Variants in ZFAND3 observed in about 807,000 individuals in gnomAD.
The protein encoded by ZFAND3 is AN1-type zinc finger protein 3.
ZFAND3 carries 10 observed loss-of-function variants against 29.6 expected under a neutral mutation model. The ratio of observed to expected loss-of-function variants is 0.34; its 90% CI spans 0.21 to 0.57. The LOEUF (loss-of-function observed/expected upper bound fraction) is 0.57, where lower values mean the gene tolerates loss of function less well. Ranked by LOEUF, ZFAND3 falls within the 20% of genes least tolerant of loss-of-function variation. ZFAND3 has a pLI of 0.86. For synonymous variants in ZFAND3, 128 were observed against 112.6 expected, an observed-to-expected ratio of 1.14 and a Z score of -0.87; for missense variants, 230 against 304.5, an observed-to-expected ratio of 0.76 and a Z score of 1.82.
At chr6:37,938,635 T>G (rs934451739) in intron 2 of ZFAND3, among the ~76,000 whole-genome samples, 4 of 152,250 alleles carry the variant, frequency 2.6e-5, no homozygotes, top group Admixed American at 2.6e-4. Flanking sequence ...GGATTAGCAG[T>G]GCTGGACTGT....
chr6:37,941,812 A>G (rs1761815041), intron 2 of ZFAND3, among the ~76,000 whole-genome samples: 1 of 152,170 alleles, frequency 6.6e-6, no homozygotes, highest in Non-Finnish European at 1.5e-5. Flanking sequence ...GTGCATAATA[A>G]TAGTATGGAA....
At chr6:38,023,266 G>A (rs538947444) in intron 2 of ZFAND3, among the ~76,000 whole-genome samples, 11 of 152,266 alleles carry the variant, frequency 7.2e-5, no homozygotes, top group African/African-American at 2.6e-4. Flanking sequence ...TGTGTAATAT[G>A]TATTTTAAGG....
At chr6:38,030,051 G>GAT (rs58560520) in intron 2 of ZFAND3, among the ~76,000 whole-genome samples, 96 of 94,890 alleles carry the variant, frequency 1.0e-3, no homozygotes, top group African/African-American at 1.2e-3. Context: ...AGTTCTGCTG[G>GAT]ATATATATAT....
At chr6:38,019,253 C>T (rs1561968332) in intron 2 of ZFAND3, among the ~76,000 whole-genome samples, 1 of 152,148 alleles carries the variant, frequency 6.6e-6, no homozygotes, top group South Asian at 2.1e-4. Flanking sequence ...GCACCACACC[C>T]GGCCTGATAG....
chr6:38,123,154 C>A (rs1001381576), intron 5 of ZFAND3, among the ~76,000 whole-genome samples: 9 of 152,194 alleles, frequency 5.9e-5, no homozygotes, highest in Admixed American at 2.0e-4. Context: ...AGGGAATGAT[C>A]TAGAGAGAAT....
intron 2 of ZFAND3, among the ~76,000 whole-genome samples, chr6:38,048,035 C>T (rs1157862322): frequency 1.3e-5 from 2 of 149,598 alleles, no homozygotes; most frequent in Non-Finnish European, 3.0e-5. Context: ...GACAGGGTCT[C>T]ACTCTGTTGT....
chr6:37,952,319 G>C (rs1424760440), intron 2 of ZFAND3, among the ~76,000 whole-genome samples: 1 of 152,112 alleles, frequency 6.6e-6, no homozygotes, highest in Non-Finnish European at 1.5e-5. Context: ...TCAGCTGTGA[G>C]TCTTCTGGTT....
At chr6:37,856,615 G>C (rs1412968080) in intron 1 of ZFAND3, among the ~76,000 whole-genome samples, 1 of 152,000 alleles carries the variant, frequency 6.6e-6, no homozygotes, top group Non-Finnish European at 1.5e-5. Flanking sequence ...TTGTCTTTAA[G>C]TTCTAAACTC....
intron 1 of ZFAND3, among the ~76,000 whole-genome samples, chr6:37,857,988 C>T (rs748436602): frequency 6.6e-6 from 1 of 152,032 alleles, no homozygotes; most frequent in Admixed American, 6.6e-5. Flanking sequence ...ACTCTGGGTC[C>T]TCTTCCTTCC....
At chr6:37,977,910 TTTCTTCCTTTCTTCCG>T (rs1241334624) in intron 2 of ZFAND3, among the ~76,000 whole-genome samples, 5 of 143,830 alleles carry the variant, frequency 3.5e-5, no homozygotes, top group South Asian at 2.3e-4. Flanking sequence ...CTCCTCTTCC[TTTCTTCCTTTCTTCCG>T]TTCTTCCTTT....
chr6:38,093,325 T>C (rs1317117848), intron 4 of ZFAND3, among the ~76,000 whole-genome samples: 1 of 152,118 alleles, frequency 6.6e-6, no homozygotes, highest in East Asian at 1.9e-4. Flanking sequence ...AGTATAAATC[T>C]GGAGAACTGA....
chr6:37,886,350 T>G (rs1485563237), intron 1 of ZFAND3, among the ~76,000 whole-genome samples: 1 of 149,294 alleles, frequency 6.7e-6, no homozygotes, highest in Non-Finnish European at 1.5e-5. Flanking sequence ...AAACCAATGG[T>G]AGGTTTAAAT....
chr6:37,955,485 T>G (rs1045149423), intron 2 of ZFAND3, among the ~76,000 whole-genome samples: 1 of 152,184 alleles, frequency 6.6e-6, no homozygotes, highest in Non-Finnish European at 1.5e-5. Context: ...GTCAGTAGTA[T>G]TATATTTGAG....
chr6:38,106,284 C>T (rs1419171889), intron 4 of ZFAND3, among the ~76,000 whole-genome samples: 1 of 152,052 alleles, frequency 6.6e-6, no homozygotes, highest in Non-Finnish European at 1.5e-5. Context: ...TCCCAAGTAG[C>T]TGGGATTATA....
chr6:38,046,400 CA>C (rs1467005060), intron 2 of ZFAND3, among the ~76,000 whole-genome samples: 2 of 152,178 alleles, frequency 1.3e-5, no homozygotes, highest in Non-Finnish European at 2.9e-5. Flanking sequence ...CTGTTCCATT[CA>C]AGACATAATT....
chr6:38,117,973 C>G (rs1454524669), intron 5 of ZFAND3, among the ~76,000 whole-genome samples: 1 of 152,158 alleles, frequency 6.6e-6, no homozygotes, highest in Admixed American at 6.5e-5. Context: ...TGCGGTACTC[C>G]ACGAGATTAG....
In ZFAND3 at chr6:37,886,423, A is replaced by G. The variant is rs186529256; in HGVS notation, c.72-43536A>G. 4.6e-5 allele frequency among the ~76,000 whole-genome samples: 7 copies of G among 152,280 alleles called. No homozygotes were observed. In the East Asian group the frequency reaches 1.4e-3, roughly 29 times the overall value. On this transcript the variant is annotated intron_variant, in intron 1 of 5. Transcript: ENST00000287218. ...CTGGGCCTCAGTTTTCTGTCTGTAC[A>G]ATTAGGAATTTAGATTTGATTTGTT...
At chr6:38,027,996 G>A (rs1763481334) in intron 2 of ZFAND3, among the ~76,000 whole-genome samples, 1 of 152,112 alleles carries the variant, frequency 6.6e-6, no homozygotes, top group Non-Finnish European at 1.5e-5. Flanking sequence ...CATTCCCCAG[G>A]GCATTGTTTG....
At chr6:37,865,067 A>G (rs1364824432) in intron 1 of ZFAND3, among the ~76,000 whole-genome samples, 4 of 152,108 alleles carry the variant, frequency 2.6e-5, no homozygotes, top group African/African-American at 9.7e-5. Flanking sequence ...AATCTCAGCT[A>G]CTCAGGAGGC....
Sources: allele counts gnomAD v4.1 joint callset (sites outside exome capture counted in the v4.1 genomes callset), GRCh38; gene constraint gnomAD v4.1.1; transcripts MANE v1.5; gene names NCBI Gene and HGNC (gene_info 2026-07-23, HGNC 2026-07-21).